The following ZNF683 variants were observed in gnomAD, a reference collection of about 807,000 sequenced individuals.
The protein encoded by ZNF683 is zinc finger protein 683.
ZNF683 carries 20 observed loss-of-function variants against 31.4 expected under a neutral mutation model. The observed-to-expected ratio is 0.64, with a 90% CI of 0.45 to 0.93. The LOEUF is 0.93. Ranked by LOEUF, ZNF683 falls within the 40% of genes least tolerant of loss-of-function variation. The pLI is 0.00. For synonymous variants in ZNF683, 264 were observed against 267.6 expected, an observed-to-expected ratio of 0.99 and a Z score of 0.13; for missense variants, 621 against 637.2, an observed-to-expected ratio of 0.97 and a Z score of 0.27.
intron 1 of ZNF683, among the ~76,000 whole-genome samples, chr1:26,370,079 C>T (rs993280550): frequency 6.6e-6 from 1 of 152,048 alleles, no homozygotes; most frequent in Non-Finnish European, 1.5e-5. Context: ...AGAGGAAGGC[C>T]CTCACGGAGC....
chr1:26,367,784 C>A lies in ZNF683; in HGVS notation c.128G>T (p.Cys43Phe), dbSNP rs1203135293. The change falls in exon 3 of 6, where the codon TGC (cysteine) becomes TTC (phenylalanine). Residue 43 changes from cysteine to phenylalanine, a missense_variant. By Grantham distance (205) the Cys-to-Phe change is radical (BLOSUM62 -2). Transcript: ENST00000349618. ...ATCCACCATGTCTGGAAGTGGTCTG[C>A]AGGCTGAGAAGACCTGGAGGGCAGG... Reference protein sequence around the residue: ...LFRGDQVFSACRPLPDMVDAH... With the variant: ...LFRGDQVFSAFRPLPDMVDAH... The A allele has an allele frequency of 1.3e-6, 2 of 1,593,242 alleles. No homozygotes were observed. Among genetic ancestry groups the A allele is most frequent in the Middle Eastern group, 1.7e-4 (1 of 5,896 alleles).
intron 5 of ZNF683, 64 bp from the exon 6 acceptor site, chr1:26,362,086 C>G (rs2074400459): frequency 6.2e-7 from 1 of 1,613,902 alleles, no homozygotes; most frequent in Admixed American, 1.7e-5. Context: ...TCTACTCCCT[C>G]TCCTCATCTT....
In ZNF683 at chr1:26,366,691, C is replaced by A. The variant is rs114579593; in HGVS notation, c.319+902G>T. 7.9e-3 allele frequency among the ~76,000 whole-genome samples: 1,203 copies of A among 152,206 alleles called. 19 individuals are homozygous for A. The highest frequency in any genetic ancestry group is 0.027 in the African/African-American group (1,142 of 41,542). ...TTTTTTTTTGAGATGGAGTCTCGCT[C>A]AGTCGCCCAGGCTGAGTGCAGTGGT... On this transcript the variant is annotated intron_variant, in intron 3 of 5. Transcript: ENST00000349618.
At chr1:26,362,946 G>T in intron 5 of ZNF683, 80 bp downstream of exon 5, 1 of 1,496,468 alleles carries the variant, frequency 6.7e-7, no homozygotes. Flanking sequence ...GGGAATGGAG[G>T]CTGCAGGTGC....
intron 3 of ZNF683, among the ~76,000 whole-genome samples, chr1:26,366,858 G>A (rs1229308453): frequency 1.6e-4 from 24 of 152,056 alleles, no homozygotes; most frequent in African/African-American, 4.8e-4. Flanking sequence ...GGGTTTCACC[G>A]TGTTAGCCAG....
At chr1:26,369,049 A>C (rs1265912391) in intron 1 of ZNF683, among the ~76,000 whole-genome samples, 2 of 151,954 alleles carry the variant, frequency 1.3e-5, no homozygotes, top group Non-Finnish European at 2.9e-5. Flanking sequence ...GTTCAAGACT[A>C]ACCTCGGCAA....
intron 3 of ZNF683, among the ~76,000 whole-genome samples, chr1:26,366,428 C>T (rs1262724574): frequency 1.3e-5 from 2 of 151,040 alleles, no homozygotes; most frequent in African/African-American, 2.4e-5. Context: ...AGCCGTTTCA[C>T]TCTGTGCTCT....
chr1:26,363,590 G>A (rs1557733596), intron 4 of ZNF683, among the ~76,000 whole-genome samples: 1 of 152,022 alleles, frequency 6.6e-6, no homozygotes, highest in Non-Finnish European at 1.5e-5. Flanking sequence ...AAACACATTG[G>A]GACCCCGTAT....
chr1:26,361,660 C>T lies in ZNF683; in HGVS notation c.1506G>A (p.Gln502=), dbSNP rs1459302726. The change falls in exon 6 of 6, where the codon CAG becomes CAA. Residue 502 remains glutamine (Q), a synonymous_variant. Transcript: ENST00000349618. ...GACAGAAGAAACATTTTTAATTGTT[C>T]TGGTCCTGCCCCATCACCAGGGGAG... ...AGTPLVMGQD[Q]NN is the part of the protein sequence containing the mutation. 4 of 1,607,896 alleles carry T rather than the reference C, an allele frequency of 2.5e-6. No homozygotes were observed. Among genetic ancestry groups the T allele is most frequent in the Non-Finnish European group, 2.5e-6 (3 of 1,176,714 alleles).
intron 1 of ZNF683, among the ~76,000 whole-genome samples, chr1:26,370,020 C>G (rs1043374610): frequency 6.8e-6 from 1 of 147,700 alleles, no homozygotes; most frequent in Non-Finnish European, 1.5e-5. Context: ...ATCAATCAAT[C>G]AATGGAGATT....
intron 2 of ZNF683, 91 bp downstream of exon 2, chr1:26,368,367 G>A: frequency 7.1e-7 from 1 of 1,412,454 alleles, no homozygotes; most frequent in Non-Finnish European, 9.3e-7. Flanking sequence ...AGGAGATCTA[G>A]GTCCCTTCAG....
At chr1:26,369,901 G>A (rs2074628824) in intron 1 of ZNF683, among the ~76,000 whole-genome samples, 1 of 152,046 alleles carries the variant, frequency 6.6e-6, no homozygotes, top group Non-Finnish European at 1.5e-5. Flanking sequence ...GGCTGAGGTG[G>A]GAAGATTGCT....
chr1:26,372,350 T>C (rs2074688615), intron 1 of ZNF683: 1 of 616,344 alleles, frequency 1.6e-6, no homozygotes. Context: ...TGTCAGGTTT[T>C]TTTGGACGCC....
chr1:26,369,315 A>G (rs766842623), intron 1 of ZNF683, among the ~76,000 whole-genome samples: 1 of 152,162 alleles, frequency 6.6e-6, no homozygotes, highest in Non-Finnish European at 1.5e-5. Flanking sequence ...ACCTGAGGTC[A>G]GGAGTTCGAG....
rs758345867 is a variant in ZNF683 at position 26,361,657 on chromosome 1, G to A, written c.1509C>T (p.Asn503=). 2 of 1,606,668 alleles carry A rather than the reference G, an allele frequency of 1.2e-6. No homozygotes were observed. The highest frequency in any genetic ancestry group is 1.7e-6 in the Non-Finnish European group (2 of 1,176,114). ...GTPLVMGQDQ[N]N The stretch of plus-strand genomic sequence containing the variant: ...CATGACAGAAGAAACATTTTTAATT[G>A]TTCTGGTCCTGCCCCATCACCAGGG... Residue 503 remains asparagine (N), a synonymous_variant, in exon 6 of 6, where the codon AAC becomes AAT. Transcript: ENST00000349618.
intron 4 of ZNF683, among the ~76,000 whole-genome samples, chr1:26,363,685 T>C (rs1001867751): frequency 4.1e-5 from 6 of 146,560 alleles, no homozygotes; most frequent in Non-Finnish European, 8.9e-5. Flanking sequence ...GGAGAATCCC[T>C]TAAGCCCAGG....
upstream of ZNF683, chr1:26,374,416 GA>G: frequency 8.2e-7 from 1 of 1,224,512 alleles, no homozygotes; most frequent in Non-Finnish European, 1.1e-6. Flanking sequence ...CTCCAATCCT[GA>G]AAGCTCCCTG....
chr1:26,368,052 G>A (rs1245456403), intron 2 of ZNF683, among the ~76,000 whole-genome samples: 2 of 151,968 alleles, frequency 1.3e-5, no homozygotes, highest in Admixed American at 6.6e-5. Context: ...TCCCTGCCCC[G>A]AACCCATGTA....
At chr1:26,362,150 T>C in intron 5 of ZNF683, 128 bp from the exon 6 acceptor site, 2 of 1,609,512 alleles carry the variant, frequency 1.2e-6, no homozygotes. Context: ...GCTTTTCCAG[T>C]GATTTCTTCC....
Sources: allele counts gnomAD v4.1 joint callset (sites outside exome capture counted in the v4.1 genomes callset), GRCh38; gene constraint gnomAD v4.1.1; transcripts MANE v1.5; gene names NCBI Gene and HGNC (gene_info 2026-07-23, HGNC 2026-07-21).